Variants in CORO2B observed in about 807,000 individuals in gnomAD.
CORO2B encodes the protein coronin 2B.
A neutral mutation model predicts 58.8 loss-of-function variants in CORO2B; 26 were observed. The ratio of observed to expected loss-of-function variants is 0.44; its 90% CI spans 0.32 to 0.61. The LOEUF (loss-of-function observed/expected upper bound fraction) is 0.61, where lower values mean the gene tolerates loss of function less well. Ranked by LOEUF, CORO2B falls within the 20% of genes least tolerant of loss-of-function variation. The pLI is 0.04. For missense variants in CORO2B, 460 were observed against 645.1 expected, an observed-to-expected ratio of 0.71 and a Z score of 3.11; for synonymous variants, 242 against 253.8, an observed-to-expected ratio of 0.95 and a Z score of 0.44.
chr15:68,535,710 T>A, the CORO2B span, among the ~76,000 whole-genome samples: 12 of 152,184 alleles, frequency 7.9e-5, no homozygotes, highest in Admixed American at 7.9e-4. Flanking sequence ...CTTCAATCGC[T>A]AGCTCATTTG....
the CORO2B span, among the ~76,000 whole-genome samples, chr15:68,521,183 C>T: frequency 6.6e-6 from 1 of 151,906 alleles, no homozygotes; most frequent in Non-Finnish European, 1.5e-5. Context: ...TTTCCTAGAC[C>T]TGTTTTATGT....
chr15:68,619,999 C>G (rs1317070468), intron 1 of CORO2B, among the ~76,000 whole-genome samples: 1 of 152,148 alleles, frequency 6.6e-6, no homozygotes, highest in Non-Finnish European at 1.5e-5. Flanking sequence ...GCAGCCTTTG[C>G]TTCCCGGGTT....
chr15:68,661,064 A>G (rs1259301411), intron 2 of CORO2B, among the ~76,000 whole-genome samples: 1 of 150,334 alleles, frequency 6.7e-6, no homozygotes, highest in Non-Finnish European at 1.5e-5. Flanking sequence ...TGCAACCTCC[A>G]TCTCCTGGGT....
At chr15:68,527,239 T>C in the CORO2B span, among the ~76,000 whole-genome samples, 1 of 152,234 alleles carries the variant, frequency 6.6e-6, no homozygotes, top group African/African-American at 2.4e-5. Flanking sequence ...TGTGGTTTTT[T>C]AATTTTTCTT....
At position 68,608,806 on chromosome 15, in the gene CORO2B, G is replaced by C. The variant is rs185752831; in HGVS notation, c.15+29529G>C. On this transcript the variant is annotated intron_variant, in intron 1 of 11. Transcript: ENST00000261861. ...ACAGCTGGCTTTGAAGAGTTATGGG[G>C]CTCCAGGAGGGGAGTTGAAATTCCG... Among the ~76,000 whole-genome samples, 404 of 152,272 alleles carry C rather than the reference G, an allele frequency of 2.7e-3. 2 individuals are homozygous for C. Among genetic ancestry groups the C allele is most frequent in the African/African-American group, 9.3e-3 (385 of 41,546 alleles).
At chr15:68,531,621 G>C in the CORO2B span, among the ~76,000 whole-genome samples, 1 of 144,148 alleles carries the variant, frequency 6.9e-6, no homozygotes, top group Non-Finnish European at 1.5e-5. Flanking sequence ...GAAGGAGAGA[G>C]AGAGAAAGAA....
At chr15:68,666,080 C>T (rs1438123687) in intron 2 of CORO2B, among the ~76,000 whole-genome samples, 1 of 152,172 alleles carries the variant, frequency 6.6e-6, no homozygotes. Context: ...AACTTTCAAA[C>T]ATACTGCAAA....
intron 1 of CORO2B, among the ~76,000 whole-genome samples, chr15:68,624,729 G>C (rs1900629181): frequency 6.6e-6 from 1 of 150,878 alleles, no homozygotes; most frequent in African/African-American, 2.4e-5. Context: ...GTCTCGCTCT[G>C]TCACCCAGGC....
chr15:68,558,907 G>C, the CORO2B span, among the ~76,000 whole-genome samples: 1 of 152,182 alleles, frequency 6.6e-6, no homozygotes, highest in Non-Finnish European at 1.5e-5. Context: ...TACACACCGC[G>C]GGGAGGTGTT....
chr15:68,543,539 C>T, the CORO2B span, among the ~76,000 whole-genome samples: 1 of 152,154 alleles, frequency 6.6e-6, no homozygotes, highest in African/African-American at 2.4e-5. Context: ...CTCCTTCCTC[C>T]TCCCACCCCA....
chr15:68,595,820 G>A (rs1595957851), intron 1 of CORO2B, among the ~76,000 whole-genome samples: 1 of 152,212 alleles, frequency 6.6e-6, no homozygotes, highest in African/African-American at 2.4e-5. Context: ...TACGGATGAA[G>A]CCATTGGCTC....
chr15:68,520,872 C>T, the CORO2B span, among the ~76,000 whole-genome samples: 1 of 152,034 alleles, frequency 6.6e-6, no homozygotes, highest in Non-Finnish European at 1.5e-5. Context: ...ATGGCAAAAC[C>T]CCATCTCCAC....
At chr15:68,660,735 T>A (rs1257311246) in intron 2 of CORO2B, among the ~76,000 whole-genome samples, 1 of 152,188 alleles carries the variant, frequency 6.6e-6, no homozygotes, top group Non-Finnish European at 1.5e-5. Context: ...TCTCTTTCAT[T>A]ATTTCCTTGA....
chr15:68,600,238 A>G (rs2140238715), intron 1 of CORO2B, among the ~76,000 whole-genome samples: 1 of 152,324 alleles, frequency 6.6e-6, no homozygotes, highest in South Asian at 2.1e-4. Context: ...AAATCTTTCT[A>G]AAATGTGAAA....
At chr15:68,621,257 C>T (rs1173572312) in intron 1 of CORO2B, among the ~76,000 whole-genome samples, 1 of 152,212 alleles carries the variant, frequency 6.6e-6, no homozygotes, top group East Asian at 1.9e-4. Context: ...TCACACACTG[C>T]CTCCAGCCCC....
the CORO2B span, among the ~76,000 whole-genome samples, chr15:68,534,295 T>C: frequency 6.6e-6 from 1 of 152,376 alleles, no homozygotes; most frequent in East Asian, 1.9e-4. Context: ...CCTGCACATA[T>C]GTGTGCACAC....
At chr15:68,629,600 T>C (rs1029145169) in intron 1 of CORO2B, among the ~76,000 whole-genome samples, 2 of 152,176 alleles carry the variant, frequency 1.3e-5, no homozygotes, top group African/African-American at 2.4e-5. Context: ...GATGAAACGA[T>C]GTGCAGGGAA....
Position 68,654,094 on chromosome 15 carries a change from G to A in CORO2B, c.216+8734G>A, listed in dbSNP as rs184444427. Reference sequence around the variant, plus strand: ...GAGAATTGTGCTCTCAAAGAGAAAAGTCGCAACTTTATTTCATTTGTCTGA... The same window carrying A: ...GAGAATTGTGCTCTCAAAGAGAAAAATCGCAACTTTATTTCATTTGTCTGA... On this transcript the variant is annotated intron_variant, in intron 2 of 11. Transcript: ENST00000261861. 8.5e-3 allele frequency among the ~76,000 whole-genome samples: 1,299 copies of A among 152,336 alleles called. 7 individuals carry two copies. Among genetic ancestry groups the A allele is most frequent in the Non-Finnish European group, 0.015 (992 of 68,036 alleles).
intron 2 of CORO2B, among the ~76,000 whole-genome samples, chr15:68,665,133 TG>T (rs1383051788): frequency 6.6e-6 from 1 of 152,242 alleles, no homozygotes; most frequent in African/African-American, 2.4e-5. Flanking sequence ...TTTAAATCTT[TG>T]GTGCATTTTG....
Sources: gnomAD v4.1 joint callset for allele counts (sites outside exome capture counted in the v4.1 genomes callset) on GRCh38, gnomAD v4.1.1 for gene constraint, MANE v1.5 for transcripts, NCBI Gene and HGNC (gene_info 2026-07-23, HGNC 2026-07-21) for gene names.